The following SMAD6 variants were observed in gnomAD, a reference collection of about 807,000 sequenced individuals.
The protein encoded by SMAD6 is SMAD family member 6, also known as MAD homolog 6.
In SMAD6, 103 loss-of-function variants were observed where a neutral mutation model predicts 39.4. The ratio of observed to expected loss-of-function variants is 2.62; its 90% CI spans 2.23 to 3.08. The LOEUF is 3.08. Ranked by LOEUF, SMAD6 falls within the 30% of genes most tolerant of loss-of-function variation. The probability of loss-of-function intolerance (pLI) is 0.00; values close to 1 mark genes in which losing one functional copy is unlikely to be tolerated. For missense variants in SMAD6, 1,104 were observed against 742.9 expected (o/e 1.49, Z -5.65); for synonymous variants, 445 against 353.3 (o/e 1.26, Z -2.91).
At chr15:66,711,502 G>A (rs879103861) in intron 1 of SMAD6, among the ~76,000 whole-genome samples, 166 bp from the exon 2 acceptor site, 1 of 152,218 alleles carries the variant, frequency 6.6e-6, no homozygotes, top group Non-Finnish European at 1.5e-5. Flanking sequence ...CCCCAAGCCT[G>A]CGGCTTTAAC....
chr15:66,746,054 C>T (rs1284250160), intron 3 of SMAD6, among the ~76,000 whole-genome samples: 1 of 152,170 alleles, frequency 6.6e-6, no homozygotes, highest in Non-Finnish European at 1.5e-5. Context: ...CCGAGGCTCC[C>T]CAAGCATCAG....
Position 66,781,071 on chromosome 15 carries a change from G to C in SMAD6, c.1027G>C (p.Val343Leu). The change falls in exon 4 of 4, where the codon GTG becomes CTG. Residue 343 changes from valine to leucine, a missense_variant. Coordinates refer to ENST00000288840, the MANE Select transcript of SMAD6 (RefSeq NM_005585.5). Reference sequence around the variant, plus strand: ...GGCGTACTGGGAGCACCGGACGCGCGTGGGCCGCCTCTATGCGGTGTACGA... The same window carrying C: ...GGCGTACTGGGAGCACCGGACGCGCCTGGGCCGCCTCTATGCGGTGTACGA... ...SVAYWEHRTR[V>L]GRLYAVYDQA... 6.2e-7 allele frequency: 1 copy of C among 1,605,312 alleles called. No homozygotes were observed. Among genetic ancestry groups the C allele is most frequent in the South Asian group, 1.1e-5 (1 of 90,474 alleles).
Position 66,781,194 on chromosome 15 carries a change from CGCAGCAAG to C in SMAD6, c.1151_1158del (p.Arg384HisfsTer178). The C allele has an allele frequency of 6.2e-7, 1 of 1,608,130 alleles. No individual in the cohort carries two copies. Among genetic ancestry groups the C allele is most frequent in the Non-Finnish European group, 8.5e-7 (1 of 1,179,746 alleles). ...GCGCAGCGAGTCGGTGCGGCGAACG[CGCAGCAAG>C]ATCGGCTTCGGCATCCTGCTCAGCA... On this transcript the variant is annotated frameshift_variant, in exon 4 of 4. Transcript: ENST00000288840. LOFTEE classifies it high-confidence loss of function.
rs1457962668 is a variant in SMAD6 at position 66,703,989 on chromosome 15, T to C, written c.731T>C (p.Leu244Pro). The C allele has an allele frequency of 6.1e-6, 9 of 1,483,170 alleles. No individual in the cohort carries two copies. Among genetic ancestry groups the C allele is most frequent in the Admixed American group, 4.5e-5 (2 of 44,372 alleles). 91.9% of individuals were successfully genotyped at this position (1,483,170 alleles called of 1,614,324 possible). A position where few individuals can be genotyped will look rare whatever the true frequency, so the allele number is the denominator to read the frequency against. ...DLQHAVELKP[L>P]CGCHSFAAAA... ...CAGCACGCCGTGGAGCTGAAGCCCCTGTGCGGCTGCCACAGCTTCGCCGCC... is the reference window on the plus strand; with the variant it reads ...CAGCACGCCGTGGAGCTGAAGCCCCCGTGCGGCTGCCACAGCTTCGCCGCC... Residue 244 changes from leucine (L) to proline (P), a missense_variant, in exon 1 of 4, where the codon CTG (leucine) becomes CCG (proline). Coordinates refer to ENST00000288840, the MANE Select transcript of SMAD6 (RefSeq NM_005585.5).
chr15:66,755,379 T>C (rs759605430), intron 3 of SMAD6, among the ~76,000 whole-genome samples: 4 of 152,194 alleles, frequency 2.6e-5, no homozygotes, highest in Non-Finnish European at 5.9e-5. Context: ...TAAGATTCTT[T>C]ATGGGAAGAG....
chr15:66,750,486 C>T (rs956919610), intron 3 of SMAD6, among the ~76,000 whole-genome samples: 1 of 152,232 alleles, frequency 6.6e-6, no homozygotes, highest in Admixed American at 6.5e-5. Flanking sequence ...GGGTACAAAG[C>T]AGACCCAAGC....
At position 66,716,592 on chromosome 15, in the gene SMAD6, CTCT is replaced by C. The variant is rs1484240359; in HGVS notation, c.952+99_952+101del. On this transcript the variant is annotated intron_variant, in intron 3 of 3. Coordinates refer to ENST00000288840, the MANE Select transcript of SMAD6 (RefSeq NM_005585.5). The stretch of plus-strand genomic sequence containing the variant: ...TTGGTGGAAGACTTTTTGACTTCCC[CTCT>C]TCTTTTTGTTTCCCTTTTCCTCCAA... 3.6e-5 allele frequency: 33 copies of C among 921,070 alleles called. No individual in the cohort carries two copies. In the East Asian group the frequency reaches 7.4e-4, roughly 21 times the overall value. 57.1% of individuals were successfully genotyped at this position (921,070 alleles called of 1,614,324 possible). A position where few individuals can be genotyped will look rare whatever the true frequency, so the allele number is the denominator to read the frequency against.
At chr15:66,719,868 A>C (rs781420333) in intron 3 of SMAD6, among the ~76,000 whole-genome samples, 11 of 152,172 alleles carry the variant, frequency 7.2e-5, no homozygotes, top group African/African-American at 2.7e-4. Flanking sequence ...GATTCCCACT[A>C]AACAGTGTAG....
At chr15:66,738,864 G>C (rs535453461) in intron 3 of SMAD6, among the ~76,000 whole-genome samples, 10 of 152,206 alleles carry the variant, frequency 6.6e-5, no homozygotes, top group Admixed American at 6.5e-4. Flanking sequence ...TGTGTAGGTG[G>C]TATCTTTGAG....
chr15:66,753,466 C>T (rs975622841), intron 3 of SMAD6, among the ~76,000 whole-genome samples: 3 of 152,192 alleles, frequency 2.0e-5, no homozygotes, highest in South Asian at 2.1e-4. Context: ...CCTCCTGCCT[C>T]GGCTCCCTTG....
rs1412108019 is a variant in SMAD6 at position 66,781,415 on chromosome 15, C to A, written c.1371C>A (p.Gly457=). Residue 457 remains glycine, a synonymous_variant, in exon 4 of 4, where the codon GGC becomes GGA. Transcript: ENST00000288840. ...QHAPEPDAAD[G]PYDPNSVRIS... is the part of the protein sequence containing the mutation. Reference sequence around the variant, plus strand: ...CGCCCGAGCCCGACGCCGCCGACGGCCCCTACGACCCCAACAGCGTCCGCA... The same window carrying A: ...CGCCCGAGCCCGACGCCGCCGACGGACCCTACGACCCCAACAGCGTCCGCA... The A allele has an allele frequency of 7.5e-6, 12 of 1,604,276 alleles. No homozygotes were observed. The highest frequency in any genetic ancestry group is 9.3e-6 in the Non-Finnish European group (11 of 1,178,228).
chr15:66,717,068 A>G, intron 3 of SMAD6: 1 of 1,289,180 alleles, frequency 7.8e-7, no homozygotes, highest in Non-Finnish European at 1.0e-6. Flanking sequence ...TGTCCCCTGC[A>G]GTTAGAAGCT....
intron 3 of SMAD6, among the ~76,000 whole-genome samples, chr15:66,741,867 T>G: frequency 6.6e-6 from 1 of 152,176 alleles, no homozygotes; most frequent in East Asian, 1.9e-4. Context: ...AGGCATTGAC[T>G]TGGACCCTTA....
chr15:66,735,802 C>CGT (rs1893703042), intron 3 of SMAD6, among the ~76,000 whole-genome samples: 2 of 152,056 alleles, frequency 1.3e-5, no homozygotes, highest in African/African-American at 4.8e-5. Context: ...TGCATGCACA[C>CGT]ACACATACAC....
At chr15:66,728,247 A>G (rs1406455322) in intron 3 of SMAD6, among the ~76,000 whole-genome samples, 1 of 151,240 alleles carries the variant, frequency 6.6e-6, no homozygotes, top group South Asian at 2.1e-4. Context: ...GCCACTCCTC[A>G]CTCCCCAAGT....
chr15:66,702,359 G>A lies in SMAD6; in HGVS notation c.-900G>A, dbSNP rs1241486668. 1 of 151,600 alleles carries A rather than the reference G, an allele frequency of 6.6e-6. No homozygotes were observed. Among genetic ancestry groups the A allele is most frequent in the South Asian group, 2.1e-4 (1 of 4,794 alleles). 9.4% of individuals were successfully genotyped at this position (151,600 alleles called of 1,614,324 possible). On this transcript the variant is annotated 5_prime_UTR_variant, in exon 1 of 4. Coordinates refer to ENST00000288840, the MANE Select transcript of SMAD6 (RefSeq NM_005585.5). ...AGCGATCGAGGGAGCTGAGCCGAGA[G>A]AAAGAGCCGCCGGGCGCTGCCTCGC... is the stretch of plus-strand genomic sequence containing the variant.
chr15:66,705,383 A>G (rs1379713216), intron 1 of SMAD6: 3 of 151,906 alleles, frequency 2.0e-5, no homozygotes, highest in Non-Finnish European at 4.4e-5. Context: ...CCTCATGGTC[A>G]CTCCAGTCCC....
Position 66,731,492 on chromosome 15 carries a change from C to T in SMAD6, c.952+14994C>T, listed in dbSNP as rs113563874. On this transcript the variant is annotated intron_variant, in intron 3 of 3. Transcript: ENST00000288840. ...GTCTTTGTAGTCAGCCCAACCCCAA[C>T]CCTGAGCTGCTGGCATTCAGCCATC... Among the ~76,000 whole-genome samples, 1,048 of 151,706 alleles carry T rather than the reference C, an allele frequency of 6.9e-3. 16 individuals carry two copies. The highest frequency in any genetic ancestry group is 0.024 in the African/African-American group (1,002 of 41,308).
intron 3 of SMAD6, among the ~76,000 whole-genome samples, chr15:66,739,898 C>G (rs1413380036): frequency 4.6e-5 from 7 of 152,204 alleles, no homozygotes; most frequent in Non-Finnish European, 7.3e-5. Flanking sequence ...CCTCAGCCTT[C>G]CGAGTAGCTG....
Sources: gnomAD v4.1 joint callset for allele counts (sites outside exome capture counted in the v4.1 genomes callset) on GRCh38, gnomAD v4.1.1 for gene constraint, MANE v1.5 for transcripts, NCBI Gene and HGNC (gene_info 2026-07-23, HGNC 2026-07-21) for gene names.